Variants in GRK5 observed in about 807,000 individuals in gnomAD.
GRK5 encodes g protein-coupled receptor kinase GRK5.
Under a neutral mutation model 78.4 loss-of-function variants are expected in GRK5, and 40 were observed. The observed-to-expected ratio is 0.51, with a 90% CI of 0.40 to 0.66. The LOEUF is 0.66. Among genes scored for constraint, GRK5 ranks in the 30% least tolerant of loss-of-function variants. The pLI, the probability that GRK5 is intolerant of heterozygous loss-of-function variation, is 0.00. For synonymous variants in GRK5, 289 were observed against 296.8 expected (o/e 0.97, Z 0.27); for missense variants, 598 against 759.9 (o/e 0.79, Z 2.50).
At chr10:119,326,836 G>T (rs368305199) in intron 2 of GRK5, among the ~76,000 whole-genome samples, 1 of 152,218 alleles carries the variant, frequency 6.6e-6, no homozygotes, top group South Asian at 2.1e-4. Flanking sequence ...GGCATGTGCC[G>T]GGCAGAGTGA....
intron 13 of GRK5, among the ~76,000 whole-genome samples, chr10:119,451,911 G>A (rs1853294601): frequency 6.6e-6 from 1 of 152,188 alleles, no homozygotes; most frequent in African/African-American, 2.4e-5. Context: ...TGACAGATGT[G>A]TCACCAGGTC....
At position 119,207,816 on chromosome 10, in the gene GRK5, C is replaced by T. The variant is rs553243953; in HGVS notation, c.-102C>T. Reference sequence around the variant, plus strand: ...AGGCGGGCTGCTGGCTCCCCCGGCTCCGGCAGCAGCGGCGGCAGCCCGAGC... The same window carrying T: ...AGGCGGGCTGCTGGCTCCCCCGGCTTCGGCAGCAGCGGCGGCAGCCCGAGC... On this transcript the variant is annotated 5_prime_UTR_variant, in exon 1 of 16. Transcript: ENST00000392870. 5.7e-5 allele frequency: 66 copies of T among 1,149,806 alleles called. No individual in the cohort carries two copies. The African/African-American group carries it at 1.0e-3, about 18-fold the overall frequency. The allele number at this position is 1,149,806 out of a possible 1,614,324, so 71.2% of individuals were successfully genotyped here. A position where few individuals can be genotyped will look rare whatever the true frequency, so the allele number is the denominator to read the frequency against.
intron 2 of GRK5, among the ~76,000 whole-genome samples, chr10:119,335,520 C>A (rs1225871925): frequency 1.3e-5 from 2 of 152,180 alleles, no homozygotes; most frequent in Non-Finnish European, 1.5e-5. Context: ...CCTGCCACCA[C>A]GCCTAGCTAA....
chr10:119,387,497 C>T (rs1354174967), intron 3 of GRK5, among the ~76,000 whole-genome samples: 1 of 152,208 alleles, frequency 6.6e-6, no homozygotes, highest in Non-Finnish European at 1.5e-5. Flanking sequence ...TCTCCTGCCA[C>T]TGCCACCTGT....
chr10:119,383,184 G>A (rs1274932978), intron 3 of GRK5, among the ~76,000 whole-genome samples: 2 of 152,218 alleles, frequency 1.3e-5, no homozygotes, highest in Non-Finnish European at 2.9e-5. Flanking sequence ...GCCTCCCAAA[G>A]TGCTGGAACC....
At chr10:119,306,348 T>G (rs12572560) in intron 1 of GRK5, among the ~76,000 whole-genome samples, 4,670 of 152,300 alleles carry the variant, frequency 0.031, 102 homozygotes, top group East Asian at 0.086. Context: ...CCGATAAACT[T>G]CAGTGCCTGG....
rs10578557 is a variant in GRK5 at position 119,411,842 on chromosome 10, C to CTTTTTTTTTTTTTTTTTTTTTTTTTT, written c.340-11323_340-11298dup. 8.3e-5 allele frequency among the ~76,000 whole-genome samples: 8 copies of CTTTTTTTTTTTTTTTTTTTTTTTTTT among 95,986 alleles called. 1 individual carries two copies. Among genetic ancestry groups the CTTTTTTTTTTTTTTTTTTTTTTTTTT allele is most frequent in the Non-Finnish European group, 1.7e-4 (8 of 47,858 alleles). The allele number at this position is 95,986 out of a possible 152,430, so 63.0% of individuals were successfully genotyped here. The stretch of plus-strand genomic sequence containing the variant: ...CCTCAGCTTCATTGCAGATCTGCTT[C>CTTTTTTTTTTTTTTTTTTTTTTTTTT]TTTTTTTTTTTTTTTTTTTTTTTTT... On this transcript the variant is annotated intron_variant, in intron 4 of 15. Transcript: ENST00000392870.
At chr10:119,270,094 G>A (rs1056386044) in intron 1 of GRK5, among the ~76,000 whole-genome samples, 3 of 152,178 alleles carry the variant, frequency 2.0e-5, no homozygotes, top group African/African-American at 7.2e-5. Context: ...GGCATTCAGG[G>A]TTGGGCATAA....
At chr10:119,423,044 C>T (rs1246051138) in intron 4 of GRK5, 122 bp from the exon 5 acceptor site, 21 of 713,492 alleles carry the variant, frequency 2.9e-5, no homozygotes, top group East Asian at 1.2e-4. Context: ...GGGGCACAGA[C>T]GGGCTGCCAG....
intron 2 of GRK5, among the ~76,000 whole-genome samples, chr10:119,368,465 C>T (rs1851488020): frequency 6.6e-6 from 1 of 152,232 alleles, no homozygotes; most frequent in African/African-American, 2.4e-5. Flanking sequence ...AGAAAGGCCC[C>T]ATGCCCTGTG....
chr10:119,386,322 A>G (rs2133837261), intron 3 of GRK5, among the ~76,000 whole-genome samples: 1 of 152,318 alleles, frequency 6.6e-6, no homozygotes, highest in East Asian at 1.9e-4. Flanking sequence ...CCCATTTGGA[A>G]AAGAGGAGGC....
chr10:119,311,017 A>G (rs139814078), intron 1 of GRK5, among the ~76,000 whole-genome samples: 2 of 152,300 alleles, frequency 1.3e-5, no homozygotes, highest in Non-Finnish European at 2.9e-5. Flanking sequence ...GGGAAGAGGC[A>G]CACCCAGGGG....
intron 9 of GRK5, among the ~76,000 whole-genome samples, chr10:119,437,777 C>T (rs1196422285): frequency 6.6e-6 from 1 of 152,184 alleles, no homozygotes; most frequent in African/African-American, 2.4e-5. Context: ...TTGAAGTTCT[C>T]CTTGACCGTA....
chr10:119,363,989 A>T (rs1851405019), intron 2 of GRK5, among the ~76,000 whole-genome samples: 1 of 152,162 alleles, frequency 6.6e-6, no homozygotes, highest in Non-Finnish European at 1.5e-5. Flanking sequence ...CTCCCTCTTC[A>T]CTACCTCCTC....
At chr10:119,327,398 G>A (rs183952833) in intron 2 of GRK5, among the ~76,000 whole-genome samples, 27 of 152,284 alleles carry the variant, frequency 1.8e-4, no homozygotes, top group Non-Finnish European at 2.9e-4. Flanking sequence ...CCTGGGGTGG[G>A]TCCTTCCCCA....
chr10:119,341,779 A>T (rs1850985326), intron 2 of GRK5, among the ~76,000 whole-genome samples: 1 of 152,078 alleles, frequency 6.6e-6, no homozygotes, highest in Admixed American at 6.5e-5. Flanking sequence ...ATGGAAAAAC[A>T]CTCAATCTTC....
intron 1 of GRK5, among the ~76,000 whole-genome samples, chr10:119,251,062 G>A (rs771654461): frequency 4.6e-5 from 7 of 151,896 alleles, no homozygotes; most frequent in Non-Finnish European, 8.8e-5. Flanking sequence ...GGTTTTGTGT[G>A]TGTTTTCAAT....
intron 1 of GRK5, among the ~76,000 whole-genome samples, chr10:119,289,456 A>T (rs1358844574): frequency 6.6e-6 from 1 of 152,208 alleles, no homozygotes; most frequent in Non-Finnish European, 1.5e-5. Flanking sequence ...GCCGCACCTG[A>T]CCTGCCTGTG....
chr10:119,454,846 G>C, intron 15 of GRK5, 123 bp from the exon 16 acceptor site: 2 of 651,296 alleles, frequency 3.1e-6, no homozygotes, highest in Non-Finnish European at 5.5e-6. Flanking sequence ...GCTCTGAGGG[G>C]AGACTGCAAA....
Sources: allele counts gnomAD v4.1 joint callset (sites outside exome capture counted in the v4.1 genomes callset), GRCh38; gene constraint gnomAD v4.1.1; transcripts MANE v1.5; gene names NCBI Gene and HGNC (gene_info 2026-07-23, HGNC 2026-07-21).